The following KLHL1 variants were observed in gnomAD, a reference collection of about 807,000 sequenced individuals.
The protein encoded by KLHL1 is kelch-like protein 1.
KLHL1 carries 47 observed loss-of-function variants against 77.7 expected under a neutral mutation model. That is an observed-to-expected ratio of 0.60 (90% confidence interval 0.48 to 0.77). KLHL1 has a LOEUF of 0.77. Among genes scored for constraint, KLHL1 ranks in the 30% least tolerant of loss-of-function variants. KLHL1 has a pLI of 0.00. For missense variants in KLHL1, 925 were observed against 910.8 expected (o/e 1.02, Z -0.20); for synonymous variants, 360 against 325.2 (o/e 1.11, Z -1.15).
chr13:69,727,393 G>A (rs561330618), intron 8 of KLHL1, among the ~76,000 whole-genome samples: 1 of 152,170 alleles, frequency 6.6e-6, no homozygotes, highest in African/African-American at 2.4e-5. Flanking sequence ...AGTGGACAGT[G>A]AATAGTGGAC....
intron 5 of KLHL1, among the ~76,000 whole-genome samples, chr13:69,852,700 A>G (rs1021767202): frequency 3.3e-5 from 5 of 152,012 alleles, no homozygotes; most frequent in African/African-American, 1.2e-4. Flanking sequence ...CAGTGAAATA[A>G]GTTCCTGTGA....
chr13:69,906,780 A>G (rs1231686252), intron 4 of KLHL1, among the ~76,000 whole-genome samples: 8 of 151,968 alleles, frequency 5.3e-5, no homozygotes, highest in Non-Finnish European at 5.9e-5. Flanking sequence ...TGAATTTATT[A>G]CACATACTTT....
At chr13:69,914,682 T>C (rs1882361245) in intron 4 of KLHL1, among the ~76,000 whole-genome samples, 1 of 152,224 alleles carries the variant, frequency 6.6e-6, no homozygotes, top group East Asian at 1.9e-4. Context: ...CTTTAGCTTA[T>C]TATTTTGTTT....
chr13:70,043,327 A>T (rs1886422569), intron 1 of KLHL1, among the ~76,000 whole-genome samples: 1 of 152,230 alleles, frequency 6.6e-6, no homozygotes, highest in African/African-American at 2.4e-5. Context: ...TTTTAAGCTC[A>T]GTGTTATTAC....
intron 3 of KLHL1, among the ~76,000 whole-genome samples, chr13:69,949,838 A>AG (rs1279930082): frequency 1.3e-3 from 201 of 151,904 alleles, no homozygotes; most frequent in African/African-American, 4.7e-3. Context: ...TAACAATGAC[A>AG]TTTAAATTTT....
intron 5 of KLHL1, among the ~76,000 whole-genome samples, chr13:69,861,834 G>A (rs1001692141): frequency 7.4e-5 from 11 of 148,342 alleles, no homozygotes; most frequent in Non-Finnish European, 1.5e-4. Context: ...GCTTGGTGGC[G>A]AATGCTTGTA....
Position 69,796,843 on chromosome 13 carries a change from C to T in KLHL1, c.1534G>A (p.Gly512Arg). The change falls in exon 7 of 11, where the codon GGA becomes AGA. Residue 512 changes from glycine (G) to arginine (R), a missense_variant. Transcript: ENST00000377844. ...AVIDDKLFVI[G>R]GRDGLKTLNT... is the part of the protein sequence containing the mutation. ...AATGTCTTTAAGCCATCTCGACCTC[C>T]AATTACAAAGAGTTTGTCATCAATA... 1 of 1,614,116 alleles carries T rather than the reference C, an allele frequency of 6.2e-7. No homozygotes were observed. Among genetic ancestry groups the T allele is most frequent in the Non-Finnish European group, 8.5e-7 (1 of 1,179,996 alleles).
intron 1 of KLHL1, among the ~76,000 whole-genome samples, chr13:70,008,042 T>C (rs113952202): frequency 2.3e-3 from 356 of 152,134 alleles, no homozygotes; most frequent in African/African-American, 8.1e-3. Flanking sequence ...ATTTTGATGA[T>C]TGGCTCTTAC....
chr13:69,994,744 A>G (rs1485365002), intron 1 of KLHL1, among the ~76,000 whole-genome samples: 1 of 152,096 alleles, frequency 6.6e-6, no homozygotes, highest in African/African-American at 2.4e-5. Context: ...GGGTTAACGT[A>G]AGCCTCTATT....
chr13:70,083,308 A>C (rs1251933224), intron 1 of KLHL1, among the ~76,000 whole-genome samples: 1 of 152,206 alleles, frequency 6.6e-6, no homozygotes, highest in Non-Finnish European at 1.5e-5. Flanking sequence ...AAGATGGGAA[A>C]GGCCACCAGA....
chr13:69,782,253 C>T (rs9572280), intron 7 of KLHL1, among the ~76,000 whole-genome samples: 1 of 151,702 alleles, frequency 6.6e-6, no homozygotes, highest in Non-Finnish European at 1.5e-5. Flanking sequence ...AAGATGGGTG[C>T]TTTCTGCATT....
At chr13:69,761,678 C>T (rs1875027239) in intron 7 of KLHL1, among the ~76,000 whole-genome samples, 1 of 152,136 alleles carries the variant, frequency 6.6e-6, no homozygotes, top group Non-Finnish European at 1.5e-5. Flanking sequence ...AATGATAACG[C>T]ATTTAATAAA....
intron 1 of KLHL1, among the ~76,000 whole-genome samples, chr13:70,091,202 G>T (rs994603062): frequency 2.0e-5 from 3 of 151,868 alleles, no homozygotes; most frequent in Admixed American, 1.3e-4. Context: ...TGGGGTTTTG[G>T]GAGCTGGTTC....
At chr13:69,942,579 G>A (rs1195735563) in intron 3 of KLHL1, among the ~76,000 whole-genome samples, 1 of 151,840 alleles carries the variant, frequency 6.6e-6, no homozygotes, top group African/African-American at 2.4e-5. Flanking sequence ...ATCATATTTT[G>A]TTTTCTGAAA....
chr13:69,826,693 A>G (rs1409779711), intron 6 of KLHL1, among the ~76,000 whole-genome samples: 6 of 152,182 alleles, frequency 3.9e-5, no homozygotes, highest in South Asian at 2.1e-4. Context: ...TCCACAATAT[A>G]TACATATTCA....
chr13:69,834,565 A>G (rs1878904786), intron 6 of KLHL1, among the ~76,000 whole-genome samples: 1 of 152,118 alleles, frequency 6.6e-6, no homozygotes, highest in Non-Finnish European at 1.5e-5. Flanking sequence ...ATTCATAAAT[A>G]TATGTGAGAC....
In KLHL1 at chr13:69,755,101, G is replaced by T. The variant is rs1245008329; in HGVS notation, c.1640-14545C>A. Among the ~76,000 whole-genome samples, 3 of 152,090 alleles carry T rather than the reference G, an allele frequency of 2.0e-5. 1 individual carries two copies. Among genetic ancestry groups the T allele is most frequent in the African/African-American group, 7.2e-5 (3 of 41,444 alleles). The stretch of plus-strand genomic sequence containing the variant: ...CAATGTTGGAGGTGGAGCCTGGTGG[G>T]AAGTGATTGGGTCATGGGGGTGGAT... On this transcript the variant is annotated intron_variant, in intron 7 of 10. Transcript: ENST00000377844.
chr13:70,014,872 A>T lies in KLHL1; in HGVS notation c.498-39070T>A, dbSNP rs74333241. On this transcript the variant is annotated intron_variant, in intron 1 of 10. Coordinates refer to ENST00000377844, the MANE Select transcript of KLHL1 (RefSeq NM_020866.3). ...TAGCTCACTTTTCCCCTTTAGTTGG[A>T]GTAGGTATCTAGAAGTATGTATTGC... Among the ~76,000 whole-genome samples, 83 of 152,248 alleles carry T rather than the reference A, an allele frequency of 5.5e-4. 1 individual carries two copies. The East Asian group carries it at 0.015, about 28-fold the overall frequency.
Position 69,870,948 on chromosome 13 carries a change from C to A in KLHL1, c.1227+11335G>T, listed in dbSNP as rs1880558843. ...CTTGCAACTCTTCCAGGCTGAGGTGCAAACTGCCAGTGTCTCTATAATTCT... is the reference window on the plus strand; with the variant it reads ...CTTGCAACTCTTCCAGGCTGAGGTGAAAACTGCCAGTGTCTCTATAATTCT... On this transcript the variant is annotated intron_variant, in intron 5 of 10. Coordinates refer to ENST00000377844, the MANE Select transcript of KLHL1 (RefSeq NM_020866.3). 2.0e-5 allele frequency among the ~76,000 whole-genome samples: 3 copies of A among 152,206 alleles called. No individual in the cohort carries two copies. The South Asian group carries it at 6.2e-4, about 32-fold the overall frequency.
Sources: gnomAD v4.1 joint callset for allele counts (sites outside exome capture counted in the v4.1 genomes callset) on GRCh38, gnomAD v4.1.1 for gene constraint, MANE v1.5 for transcripts, NCBI Gene and HGNC (gene_info 2026-07-23, HGNC 2026-07-21) for gene names.